Variants in TRIM29 observed in about 807,000 individuals in gnomAD.
TRIM29 encodes the protein tripartite motif-containing protein 29.
Under a neutral mutation model 57.3 loss-of-function variants are expected in TRIM29, and 52 were observed. The ratio of observed to expected loss-of-function variants is 0.91; its 90% confidence interval spans 0.73 to 1.14. The LOEUF is 1.14. TRIM29 is among the 50% of genes most tolerant of loss of function. The pLI is 0.00. For missense variants in TRIM29, 753 were observed against 774.6 expected (o/e 0.97, Z 0.33); for synonymous variants, 319 against 316.9 (o/e 1.01, Z -0.07).
chr11:120,125,634 T>C (rs892804144), intron 4 of TRIM29, 57 bp downstream of exon 4: 13 of 1,586,282 alleles, frequency 8.2e-6, no homozygotes, highest in African/African-American at 1.3e-5. Flanking sequence ...GCAGCAGGAA[T>C]TGATTTGGGA....
At chr11:120,118,381 AC>A in intron 6 of TRIM29, 60 bp from the exon 7 acceptor site, 1 of 1,348,000 alleles carries the variant, frequency 7.4e-7, no homozygotes, top group Non-Finnish European at 1.0e-6. Context: ...AGGAGGCAGG[AC>A]CAGGACACAG....
chr11:120,138,104 G>T lies in TRIM29; in HGVS notation c.-73C>A. On this transcript the variant is annotated 5_prime_UTR_variant, in exon 1 of 9. Coordinates refer to ENST00000341846, the MANE Select transcript of TRIM29 (RefSeq NM_012101.4). ...AGGTGACCTTTCTGGCAGGCGTCTCGGCAGGGAGTGGGGCAGGCAACCACG... is the reference window on the plus strand; with the variant it reads ...AGGTGACCTTTCTGGCAGGCGTCTCTGCAGGGAGTGGGGCAGGCAACCACG... 2 of 1,451,826 alleles carry T rather than the reference G, an allele frequency of 1.4e-6. No homozygotes were observed. The highest frequency in any genetic ancestry group is 1.8e-6 in the Non-Finnish European group (2 of 1,099,358). The allele number at this position is 1,451,826 out of a possible 1,614,324, so 89.9% of individuals were successfully genotyped here.
intron 5 of TRIM29, chr11:120,121,580 C>T: frequency 6.2e-6 from 1 of 161,392 alleles, no homozygotes; most frequent in East Asian, 1.8e-4. Context: ...ACATCATAGA[C>T]TGACTCACAG....
At chr11:120,136,136 C>A (rs768996669) in intron 1 of TRIM29, among the ~76,000 whole-genome samples, 4 of 152,174 alleles carry the variant, frequency 2.6e-5, no homozygotes, top group Middle Eastern at 3.2e-3. Flanking sequence ...TCCACAAAGG[C>A]ACAAAAACAC....
chr11:120,118,026 C>T (rs1203107761), intron 7 of TRIM29, 197 bp downstream of exon 7: 24 of 593,568 alleles, frequency 4.0e-5, no homozygotes, highest in Non-Finnish European at 6.0e-5. Context: ...CCCTGGGAAA[C>T]GCTGATGTGG....
chr11:120,134,465 A>G (rs1353499792), intron 1 of TRIM29, among the ~76,000 whole-genome samples: 1 of 152,148 alleles, frequency 6.6e-6, no homozygotes, highest in Non-Finnish European at 1.5e-5. Context: ...GGATGCCAGG[A>G]CTGGCATGCT....
At chr11:120,123,440 C>T (rs1295536696) in intron 4 of TRIM29, 5 of 463,192 alleles carry the variant, frequency 1.1e-5, no homozygotes, top group Admixed American at 9.4e-5. Flanking sequence ...GTAAGAGAAG[C>T]AGCTTGCCCA....
chr11:120,128,555 A>G (rs535533319), intron 1 of TRIM29, 60 bp from the exon 2 acceptor site: 141 of 1,565,580 alleles, frequency 9.0e-5, no homozygotes, highest in Non-Finnish European at 9.6e-5. Context: ...AGAACCAGAG[A>G]ACCAGGGAGC....
chr11:120,118,048 C>T (rs557310437), intron 7 of TRIM29, 175 bp downstream of exon 7: 45 of 636,684 alleles, frequency 7.1e-5, no homozygotes, highest in African/African-American at 5.3e-4. Context: ...CCAGCCCCCA[C>T]CCCTGCCCTC....
rs933937347 is a variant in TRIM29, at chr11:120,115,825, G to A, written c.1628-411C>T. 3.2e-5 allele frequency: 7 copies of A among 215,674 alleles called. No individual in the cohort carries two copies. The East Asian group carries it at 1.0e-3, about 32-fold the overall frequency. 13.4% of individuals were successfully genotyped at this position (215,674 alleles called of 1,614,324 possible). A position where few individuals can be genotyped will look rare whatever the true frequency, so the allele number is the denominator to read the frequency against. On this transcript the variant is annotated intron_variant, in intron 7 of 8. Transcript: ENST00000341846. ...CTGCCAGAGTTTCCCGGCAGGAGGC[G>A]CTCACTTGGACTCCCCTGTGCTGTT... is the stretch of plus-strand genomic sequence containing the variant.
intron 1 of TRIM29, chr11:120,129,033 T>G: frequency 1.3e-6 from 1 of 757,676 alleles, no homozygotes; most frequent in South Asian, 2.0e-5. Flanking sequence ...AACCTGTTTA[T>G]GGGAAAGGGA....
intron 1 of TRIM29, among the ~76,000 whole-genome samples, chr11:120,129,137 G>T (rs1020877767): frequency 6.6e-6 from 1 of 152,218 alleles, no homozygotes; most frequent in Non-Finnish European, 1.5e-5. Flanking sequence ...AGTGGAAGAA[G>T]AGGTTGTAGG....
chr11:120,121,911 G>A (rs952193028), intron 5 of TRIM29: 4 of 448,026 alleles, frequency 8.9e-6, no homozygotes, highest in African/African-American at 2.0e-5. Flanking sequence ...AGGGGTGCTG[G>A]GGCCGGCACT....
chr11:120,125,385 C>G (rs2135009875), intron 4 of TRIM29: 1 of 395,496 alleles, frequency 2.5e-6, no homozygotes, highest in East Asian at 4.7e-5. Context: ...AGATGTAGAT[C>G]TGAACGAAAC....
chr11:120,123,273 C>T (rs1210044712), intron 4 of TRIM29: 4 of 688,652 alleles, frequency 5.8e-6, no homozygotes, highest in African/African-American at 3.5e-5. Flanking sequence ...GAGCCATCCA[C>T]CCTCTTGAAC....
chr11:120,128,940 T>C lies in TRIM29; in HGVS notation c.805-445A>G. The stretch of plus-strand genomic sequence containing the variant: ...TGGCAGTAACAGTGTGCAGCGTTTC[T>C]ATGGCATGACGTAGGGCTGTGTTGC... On this transcript the variant is annotated intron_variant, in intron 1 of 8. Transcript: ENST00000341846. The C allele has an allele frequency of 2.2e-6, 3 of 1,365,462 alleles. No individual in the cohort carries two copies. In the East Asian group the frequency reaches 9.1e-5, roughly 42 times the overall value. The allele number at this position is 1,365,462 out of a possible 1,614,324, so 84.6% of individuals were successfully genotyped here. A position where few individuals can be genotyped will look rare whatever the true frequency, so the allele number is the denominator to read the frequency against.
Position 120,127,581 on chromosome 11 carries a change from G to A in TRIM29, c.901-12C>T, listed in dbSNP as rs756113325. 1 of 1,611,752 alleles carries A rather than the reference G, an allele frequency of 6.2e-7. No homozygotes were observed. The highest frequency in any genetic ancestry group is 1.7e-5 in the Admixed American group (1 of 59,870). Reference sequence around the variant, plus strand: ...TTGGTGGTGAAGCTCTGGAGGTCCAGAGTCAGGGAAGAGATTAGGCAGGGC... The same window carrying A: ...TTGGTGGTGAAGCTCTGGAGGTCCAAAGTCAGGGAAGAGATTAGGCAGGGC... On this transcript the variant is annotated splice_polypyrimidine_tract_variant and intron_variant, in intron 2 of 8. Transcript: ENST00000341846.
At chr11:120,126,370 G>A (rs1351525626) in intron 3 of TRIM29, 1 of 154,440 alleles carries the variant, frequency 6.5e-6, no homozygotes, top group East Asian at 1.9e-4. Flanking sequence ...CTCTCAAGTA[G>A]CTGGGATTAC....
rs546307840 is a variant in TRIM29 at position 120,133,582 on chromosome 11, A to G, written c.804+3646T>C. ...TGTCCCAGGGCAAGCATTCTCCCCC[A>G]AAGTCACCAAGGTCTCCAGGGAAAG... On this transcript the variant is annotated intron_variant, in intron 1 of 8. Transcript: ENST00000341846. 7.9e-5 allele frequency among the ~76,000 whole-genome samples: 12 copies of G among 151,746 alleles called. 1 individual carries two copies. In the South Asian group the frequency reaches 2.5e-3, roughly 32 times the overall value.
Sources: allele counts gnomAD v4.1 joint callset (sites outside exome capture counted in the v4.1 genomes callset), GRCh38; gene constraint gnomAD v4.1.1; transcripts MANE v1.5; gene names NCBI Gene and HGNC (gene_info 2026-07-23, HGNC 2026-07-21).